TBC1D19: variants seen among roughly 807,000 people sequenced by gnomAD.
TBC1D19 encodes the protein TBC1 domain family member 19.
A neutral mutation model predicts 89.0 loss-of-function variants in TBC1D19; 60 were observed. The ratio of observed to expected loss-of-function variants is 0.67; its 90% CI spans 0.55 to 0.84. The LOEUF (loss-of-function observed/expected upper bound fraction) is 0.84, where lower values mean the gene tolerates loss of function less well. Ranked by LOEUF, TBC1D19 falls within the 40% of genes least tolerant of loss-of-function variation. TBC1D19 has a pLI of 0.00. For missense variants in TBC1D19, 500 were observed against 610.8 expected, an observed-to-expected ratio of 0.82 and a Z score of 1.91; for synonymous variants, 189 against 199.7, an observed-to-expected ratio of 0.95 and a Z score of 0.45.
the TBC1D19 span, among the ~76,000 whole-genome samples, chr4:26,846,223 T>A: frequency 9.8e-5 from 15 of 152,342 alleles, no homozygotes; most frequent in South Asian, 1.9e-3. Context: ...TTATATTTTT[T>A]AATGGCTGTG....
the TBC1D19 span, among the ~76,000 whole-genome samples, chr4:26,769,356 G>T: frequency 2.6e-5 from 4 of 151,954 alleles, no homozygotes; most frequent in African/African-American, 9.7e-5. Flanking sequence ...ATAAAAGAAT[G>T]AAGAGCACTA....
At chr4:26,655,016 G>C (rs1365836375) in intron 7 of TBC1D19, among the ~76,000 whole-genome samples, 2 of 152,070 alleles carry the variant, frequency 1.3e-5, no homozygotes, top group Non-Finnish European at 2.9e-5. Context: ...ATCTACCTTT[G>C]GTCTTTGATG....
the TBC1D19 span, among the ~76,000 whole-genome samples, chr4:26,803,796 G>A: frequency 0.023 from 3,540 of 152,150 alleles, 76 homozygotes; most frequent in African/African-American, 0.054. Context: ...GAACAAGGAG[G>A]GGAGAGGACG....
At chr4:26,665,194 G>T (rs1711695897) in intron 8 of TBC1D19, among the ~76,000 whole-genome samples, 1 of 151,844 alleles carries the variant, frequency 6.6e-6, no homozygotes, top group Non-Finnish European at 1.5e-5. Context: ...CTTTTTAAAG[G>T]GTAGATAAAG....
At chr4:26,723,919 T>C (rs533809245) in intron 15 of TBC1D19, among the ~76,000 whole-genome samples, 1 of 152,278 alleles carries the variant, frequency 6.6e-6, no homozygotes, top group East Asian at 1.9e-4. Context: ...TTTCAAAGAA[T>C]GATGAACTTA....
At chr4:26,659,290 T>C (rs1745069631) in intron 7 of TBC1D19, among the ~76,000 whole-genome samples, 1 of 151,650 alleles carries the variant, frequency 6.6e-6, no homozygotes, top group Non-Finnish European at 1.5e-5. Context: ...AGTGTTATAA[T>C]CAAGCAATTT....
At chr4:26,772,127 T>A in the TBC1D19 span, among the ~76,000 whole-genome samples, 1 of 33,658 alleles carries the variant, frequency 3.0e-5, no homozygotes, top group Admixed American at 5.3e-4. Context: ...CCCTCCAACT[T>A]TTTTTTTTTT....
At chr4:26,768,360 C>A in the TBC1D19 span, among the ~76,000 whole-genome samples, 1 of 152,170 alleles carries the variant, frequency 6.6e-6, no homozygotes, top group Non-Finnish European at 1.5e-5. Flanking sequence ...AGTTACTTAA[C>A]CCCATATCAG....
chr4:26,782,716 T>C, the TBC1D19 span, among the ~76,000 whole-genome samples: 1 of 152,038 alleles, frequency 6.6e-6, no homozygotes, highest in East Asian at 1.9e-4. Flanking sequence ...AAGAAAAGGA[T>C]GTATGGATTA....
intron 1 of TBC1D19, among the ~76,000 whole-genome samples, chr4:26,578,161 C>T (rs913654269): frequency 6.6e-6 from 1 of 152,160 alleles, no homozygotes; most frequent in African/African-American, 2.4e-5. Context: ...TGCCCTAGTC[C>T]CCTTTCTTGT....
intron 1 of TBC1D19, chr4:26,576,836 G>A: frequency 2.2e-6 from 1 of 456,160 alleles, no homozygotes; most frequent in South Asian, 1.5e-5. Context: ...CCAGGTAAAG[G>A]GCTATGTCAT....
chr4:26,720,474 T>A (rs550757718), intron 15 of TBC1D19, among the ~76,000 whole-genome samples: 1 of 152,274 alleles, frequency 6.6e-6, no homozygotes, highest in South Asian at 2.1e-4. Context: ...TTGAGTGGAT[T>A]ATCTTGTATT....
chr4:26,727,111 C>A (rs1190536871), intron 15 of TBC1D19, among the ~76,000 whole-genome samples: 3 of 152,066 alleles, frequency 2.0e-5, no homozygotes, highest in African/African-American at 7.2e-5. Flanking sequence ...GAGATGTGCC[C>A]CAAGCATCCT....
chr4:26,692,226 G>A (rs1714356315), intron 13 of TBC1D19, among the ~76,000 whole-genome samples: 2 of 152,118 alleles, frequency 1.3e-5, no homozygotes, highest in African/African-American at 4.8e-5. Context: ...CAGATGGCCA[G>A]TATTTCTTAT....
intron 13 of TBC1D19, among the ~76,000 whole-genome samples, chr4:26,700,388 AT>A (rs1044332231): frequency 1.3e-5 from 2 of 151,938 alleles, no homozygotes; most frequent in East Asian, 3.9e-4. Context: ...ATTGAATGGC[AT>A]TTTTTTTCTT....
intron 4 of TBC1D19, among the ~76,000 whole-genome samples, chr4:26,628,461 C>T (rs1290548570): frequency 1.3e-5 from 2 of 151,836 alleles, no homozygotes; most frequent in Admixed American, 6.6e-5. Context: ...GACAGGGATG[C>T]CCTCTCTCAC....
chr4:26,633,369 C>T (rs778190197), intron 4 of TBC1D19, among the ~76,000 whole-genome samples: 9 of 151,924 alleles, frequency 5.9e-5, no homozygotes, highest in Non-Finnish European at 1.2e-4. Context: ...GTGTTGAACT[C>T]GTGGTGTTCT....
intron 7 of TBC1D19, among the ~76,000 whole-genome samples, chr4:26,653,033 C>G (rs896380900): frequency 2.6e-5 from 4 of 152,210 alleles, no homozygotes; most frequent in African/African-American, 9.6e-5. Context: ...CTACATACTG[C>G]TTTGAATGTG....
chr4:26,841,992 T>C, the TBC1D19 span, among the ~76,000 whole-genome samples: 4 of 152,326 alleles, frequency 2.6e-5, no homozygotes, highest in Admixed American at 6.5e-5. Context: ...CACCATGACA[T>C]GTTGAGAGAG....
Sources: allele counts gnomAD v4.1 joint callset (sites outside exome capture counted in the v4.1 genomes callset), GRCh38; gene constraint gnomAD v4.1.1; transcripts MANE v1.5; gene names NCBI Gene and HGNC (gene_info 2026-07-23, HGNC 2026-07-21).